The following MAN1B1 variants were observed in gnomAD, a reference collection of about 807,000 sequenced individuals.
MAN1B1 encodes the protein mannosidase alpha class 1B member 1, also known as endoplasmic reticulum mannosyl-oligosaccharide 1,2-alpha-mannosidase.
Under a neutral mutation model 75.5 loss-of-function variants are expected in MAN1B1, and 66 were observed. The ratio of observed to expected loss-of-function variants is 0.87; its 90% CI spans 0.72 to 1.07. MAN1B1 has a LOEUF of 1.07. Ranked by LOEUF, MAN1B1 falls within the 50% of genes least tolerant of loss-of-function variation. MAN1B1 has a pLI of 0.00. For missense variants in MAN1B1, 973 were observed against 912.5 expected, an observed-to-expected ratio of 1.07 and a Z score of -0.85; for synonymous variants, 453 against 382.8, an observed-to-expected ratio of 1.18 and a Z score of -2.14.
At chr9:137,106,420 G>GGCCC in intron 9 of MAN1B1, 105 bp downstream of exon 9, 4 of 1,131,170 alleles carry the variant, frequency 3.5e-6, no homozygotes, top group Non-Finnish European at 5.0e-6. Flanking sequence ...GCTGCCCCCC[G>GGCCC]CCACACTGTG....
In MAN1B1 at chr9:137,087,192, A is replaced by G; in HGVS notation, c.193A>G (p.Ser65Gly). The change falls in exon 1 of 13, where the codon AGT (serine) becomes GGT (glycine). Residue 65 changes from serine (S) to glycine (G), a missense_variant. By Grantham distance (56) the Ser-to-Gly change is moderately conservative. Coordinates refer to ENST00000371589, the MANE Select transcript of MAN1B1 (RefSeq NM_016219.5). ...TGGCGAGAACTATGACAACAGCAAG[A>G]GTTGGCGGCGGCGCTCGTGCTGGAG... is the stretch of plus-strand genomic sequence containing the variant. ...SFGENYDNSK[S>G]WRRRSCWRKW... is the part of the protein sequence containing the mutation. 6.3e-7 allele frequency: 1 copy of G among 1,588,380 alleles called. No individual in the cohort carries two copies. Among genetic ancestry groups the G allele is most frequent in the Non-Finnish European group, 8.6e-7 (1 of 1,168,140 alleles).
rs1404868976 is a variant in MAN1B1 at position 137,087,584 on chromosome 9, C to T, written c.219+366C>T. ...TCCCCTCGGTACAGTGAGAAATGAG[C>T]CCCTCTTGATTGGCTCCTGGTCTGT... On this transcript the variant is annotated intron_variant, in intron 1 of 12. Transcript: ENST00000371589. 6.0e-6 allele frequency: 3 copies of T among 497,830 alleles called. No individual in the cohort carries two copies. The Admixed American group carries it at 8.1e-5, about 13-fold the overall frequency. The allele number at this position is 497,830 out of a possible 1,614,324, so 30.8% of individuals were successfully genotyped here.
intron 8 of MAN1B1, chr9:137,104,601 A>C (rs1026082964): frequency 1.2e-5 from 2 of 170,356 alleles, no homozygotes; most frequent in South Asian, 1.4e-4. Flanking sequence ...GATGCTTCAG[A>C]GATTCCTTTT....
chr9:137,097,751 G>T, intron 4 of MAN1B1, 77 bp from the exon 5 acceptor site: 2 of 1,136,600 alleles, frequency 1.8e-6, no homozygotes, highest in Non-Finnish European at 1.3e-6. Context: ...CTTGGCCGTG[G>T]GTATGGAGCG....
intron 9 of MAN1B1, 142 bp from the exon 10 acceptor site, chr9:137,106,547 T>C: frequency 3.0e-6 from 4 of 1,351,842 alleles, no homozygotes; most frequent in Non-Finnish European, 4.2e-6. Context: ...CTGAGGGCCA[T>C]GGGCTGTGCA....
In MAN1B1 at chr9:137,099,841, C is replaced by A. The variant is rs762612795; in HGVS notation, c.876C>A (p.Ile292=). The change falls in exon 6 of 13, where the codon ATC becomes ATA. Residue 292 remains isoleucine (I), a synonymous_variant. Coordinates refer to ENST00000371589, the MANE Select transcript of MAN1B1 (RefSeq NM_016219.5). ...GGTTTGGCCTCGGTCTCACACTGATCGACGCGCTGGACACCATGTGGATCT... is the reference window on the plus strand; with the variant it reads ...GGTTTGGCCTCGGTCTCACACTGATAGACGCGCTGGACACCATGTGGATCT... ...SEWFGLGLTL[I]DALDTMWILG... is the part of the protein sequence containing the mutation. 1 of 1,614,210 alleles carries A rather than the reference C, an allele frequency of 6.2e-7. No individual in the cohort carries two copies. The highest frequency in any genetic ancestry group is 1.7e-5 in the Admixed American group (1 of 60,032).
rs776658507 is a variant in MAN1B1, at chr9:137,087,040, C to T, written c.41C>T (p.Ser14Phe). 7 of 1,603,876 alleles carry T rather than the reference C, an allele frequency of 4.4e-6. No homozygotes were observed. The highest frequency in any genetic ancestry group is 1.3e-5 in the African/African-American group (1 of 74,886). ...GGCAGGAGAAGCGGAGCTCTCGGTT[C>T]CTCTCAGTCGGACTTCCTGACGCCG... is the stretch of plus-strand genomic sequence containing the variant. ...CEGRRSGALG[S>F]SQSDFLTPPV... Residue 14 changes from serine (S) to phenylalanine (F), a missense_variant, in exon 1 of 13, where the codon TCC becomes TTC. By Grantham distance (155) the Ser-to-Phe change is radical (BLOSUM62 -2). Transcript: ENST00000371589.
In MAN1B1 at chr9:137,108,082, CCCGCTGCCT is replaced by C. The variant is rs1238673056; in HGVS notation, c.1897-300_1897-292del. ...TCTGCTGTGATCTTGGCCTGAGGCC[CCCGCTGCCT>C]CCGCTCCCACCGTCTGCCCTGTGCC... On this transcript the variant is annotated intron_variant, in intron 12 of 12. Transcript: ENST00000371589. 3.3e-5 allele frequency: 20 copies of C among 605,448 alleles called. No homozygotes were observed. The Admixed American group carries it at 3.8e-4, about 12-fold the overall frequency. The allele number at this position is 605,448 out of a possible 1,614,324, so 37.5% of individuals were successfully genotyped here. A position where few individuals can be genotyped will look rare whatever the true frequency, so the allele number is the denominator to read the frequency against.
intron 4 of MAN1B1, among the ~76,000 whole-genome samples, chr9:137,096,933 G>A (rs1337336021): frequency 1.3e-5 from 2 of 152,236 alleles, no homozygotes; most frequent in African/African-American, 4.8e-5. Flanking sequence ...CCCCGCAGAC[G>A]TCCTCTCTCT....
chr9:137,094,471 G>T, intron 3 of MAN1B1: 1 of 403,480 alleles, frequency 2.5e-6, no homozygotes, highest in Non-Finnish European at 5.0e-6. Context: ...TGGAACTAGT[G>T]GCTCACATCT....
Position 137,106,787 on chromosome 9 carries a change from A to C in MAN1B1, c.1544A>C (p.His515Pro), listed in dbSNP as rs761665668. Residue 515 changes from histidine to proline, a missense_variant, in exon 10 of 13, where the codon CAC (histidine) becomes CCC (proline). Coordinates refer to ENST00000371589, the MANE Select transcript of MAN1B1 (RefSeq NM_016219.5). ...SKLTFVGELA[H>P]GRFSAKMDHL... is the part of the protein sequence containing the mutation. ...CTCACCTTTGTGGGGGAGCTTGCCC[A>C]CGGCCGCTTCAGTGCCAAGATGGTG... 5 of 1,613,340 alleles carry C rather than the reference A, an allele frequency of 3.1e-6. No individual in the cohort carries two copies. The South Asian group carries it at 5.5e-5, about 18-fold the overall frequency.
intron 3 of MAN1B1, among the ~76,000 whole-genome samples, chr9:137,091,681 C>T (rs1034798449): frequency 2.0e-5 from 3 of 152,028 alleles, no homozygotes; most frequent in Admixed American, 6.6e-5. Context: ...TGCCCGCCAC[C>T]ACGCCCGGCT....
intron 3 of MAN1B1, among the ~76,000 whole-genome samples, chr9:137,091,814 C>G (rs1830524904): frequency 6.6e-6 from 1 of 152,140 alleles, no homozygotes; most frequent in African/African-American, 2.4e-5. Context: ...GCGTGAGCCA[C>G]CACGCCCGGC....
intron 4 of MAN1B1, among the ~76,000 whole-genome samples, chr9:137,097,042 C>T (rs752825987): frequency 1.6e-4 from 24 of 152,218 alleles, no homozygotes; most frequent in Admixed American, 5.2e-4. Context: ...TCCGAAGAAA[C>T]GGGCCCAGAG....
chr9:137,107,290 G>C lies in MAN1B1; in HGVS notation c.1607G>C (p.Gly536Ala). Residue 536 changes from glycine (G) to alanine (A), a missense_variant, in exon 11 of 13, where the codon GGC becomes GCC. By Grantham distance (60) the Gly-to-Ala change is moderately conservative (BLOSUM62 0). Transcript: ENST00000371589. The stretch of plus-strand genomic sequence containing the variant: ...TTCCTGCCAGGGACGCTGGCTCTGG[G>C]CGTCTACCACGGCCTGCCCGCCAGC... The part of the protein sequence containing the change: ...VCFLPGTLAL[G>A]VYHGLPASHM... The C allele has an allele frequency of 6.2e-7, 1 of 1,613,094 alleles. No individual in the cohort carries two copies. Among genetic ancestry groups the C allele is most frequent in the Non-Finnish European group, 8.5e-7 (1 of 1,179,980 alleles).
chr9:137,090,585 G>A (rs1355946001), intron 3 of MAN1B1, among the ~76,000 whole-genome samples: 1 of 151,934 alleles, frequency 6.6e-6, no homozygotes, highest in Non-Finnish European at 1.5e-5. Context: ...TGTCGCCCAG[G>A]CTGGAGTGCA....
At chr9:137,098,083 A>G in intron 5 of MAN1B1, 146 bp downstream of exon 5, 1 of 657,096 alleles carries the variant, frequency 1.5e-6, no homozygotes, top group South Asian at 1.7e-5. Flanking sequence ...CTGAGTCCTC[A>G]CAGGCTCTGC....
intron 3 of MAN1B1, among the ~76,000 whole-genome samples, chr9:137,095,550 C>T (rs182953566): frequency 6.6e-6 from 1 of 152,082 alleles, no homozygotes; most frequent in South Asian, 2.1e-4. Flanking sequence ...GAGACCCTGT[C>T]TCTATAGTAA....
intron 3 of MAN1B1, among the ~76,000 whole-genome samples, chr9:137,089,529 G>C (rs1382671486): frequency 6.6e-6 from 1 of 152,194 alleles, no homozygotes; most frequent in South Asian, 2.1e-4. Flanking sequence ...TATGCGGGAA[G>C]GTGAAATTCC....
Sources: allele counts gnomAD v4.1 joint callset (sites outside exome capture counted in the v4.1 genomes callset), GRCh38; gene constraint gnomAD v4.1.1; transcripts MANE v1.5; gene names NCBI Gene and HGNC (gene_info 2026-07-23, HGNC 2026-07-21).